NCAPD3: variants seen among roughly 807,000 people sequenced by gnomAD.
NCAPD3 encodes non-SMC condensin II complex subunit D3.
A neutral mutation model predicts 182.9 loss-of-function variants in NCAPD3; 105 were observed. The observed-to-expected ratio is 0.57, with a 90% CI of 0.49 to 0.68. NCAPD3 has a LOEUF of 0.68. NCAPD3 is among the 30% of genes least tolerant of loss of function. The probability of loss-of-function intolerance (pLI) is 0.00; values close to 1 mark genes in which losing one functional copy is unlikely to be tolerated. For synonymous variants in NCAPD3, 815 were observed against 679.9 expected (o/e 1.20, Z -3.09); for missense variants, 1,944 against 1,837.0 (o/e 1.06, Z -1.07).
At chr11:134,157,505 G>A (rs1943456430) in intron 31 of NCAPD3, among the ~76,000 whole-genome samples, 1 of 152,206 alleles carries the variant, frequency 6.6e-6, no homozygotes, top group South Asian at 2.1e-4. Context: ...TAATAAATCA[G>A]TTATTTCCAC....
chr11:134,194,183 C>T lies in NCAPD3; in HGVS notation c.1690-33G>A, dbSNP rs115472992. ...GCATAGACGCAACATGAACTGTTAA[C>T]TGCATAGCATCAACTCACAAAGATA... On this transcript the variant is annotated intron_variant, in intron 14 of 34. Transcript: ENST00000534548. 1,211 of 1,603,222 alleles carry T rather than the reference C, an allele frequency of 7.6e-4. 6 individuals are homozygous for T. In the African/African-American group the frequency reaches 0.015, roughly 19 times the overall value.
intron 24 of NCAPD3, among the ~76,000 whole-genome samples, chr11:134,174,310 G>C (rs1944101777): frequency 6.8e-6 from 1 of 146,390 alleles, no homozygotes; most frequent in Non-Finnish European, 1.5e-5. Context: ...TTGAGCCCAG[G>C]AGGTCGAGGC....
chr11:134,204,191 G>A lies in NCAPD3; in HGVS notation c.1090-20C>T. On this transcript the variant is annotated intron_variant, in intron 9 of 34. Coordinates refer to ENST00000534548, the MANE Select transcript of NCAPD3 (RefSeq NM_015261.3). The surrounding 1 kb of genome is among the most constrained non-coding windows in gnomAD (Gnocchi z 4.3). ...TACCACCTGAAAAGCAAAAAGAGAA[G>A]TTGACCAACCAATATCCACCCGCAG... 2.5e-6 allele frequency: 4 copies of A among 1,610,850 alleles called. No homozygotes were observed. Among genetic ancestry groups the A allele is most frequent in the South Asian group, 1.1e-5 (1 of 90,636 alleles).
chr11:134,168,787 C>T (rs1001854792), intron 25 of NCAPD3, 130 bp downstream of exon 25: 3 of 1,402,350 alleles, frequency 2.1e-6, no homozygotes, highest in Admixed American at 4.4e-5. Flanking sequence ...CTTACGCCAT[C>T]CTGCCAAGCC....
rs374122388 is a variant in NCAPD3 at position 134,181,775 on chromosome 11, A to G, written c.2452-591T>C. Among the ~76,000 whole-genome samples the G allele has an allele frequency of 5.3e-5, 8 of 152,216 alleles. No individual in the cohort carries two copies. In the South Asian group the frequency reaches 1.7e-3, roughly 32 times the overall value. On this transcript the variant is annotated intron_variant, in intron 19 of 34. Transcript: ENST00000534548. ...TCTTGGACCTCATTTTCTGTAGGAA[A>G]CCATTCCAAAACACCTAGGTTGAGC...
rs1208785334 is a variant in NCAPD3, at chr11:134,168,215, A to G, written c.3374-20T>C. The G allele has an allele frequency of 6.2e-7, 1 of 1,607,974 alleles. No individual in the cohort carries two copies. Among genetic ancestry groups the G allele is most frequent in the South Asian group, 1.1e-5 (1 of 90,926 alleles). On this transcript the variant is annotated intron_variant, in intron 26 of 34. Coordinates refer to ENST00000534548, the MANE Select transcript of NCAPD3 (RefSeq NM_015261.3). ...AGCACGCTGAGAGACAGAGAGAGAG[A>G]AAAACGTGAGCTTCTGAGAAATGCT...
At chr11:134,208,185 A>G (rs1178311148) in intron 7 of NCAPD3, among the ~76,000 whole-genome samples, 1 of 152,248 alleles carries the variant, frequency 6.6e-6, no homozygotes, top group Non-Finnish European at 1.5e-5. Flanking sequence ...CTGCCTCTGC[A>G]AGGTAACGCG....
At chr11:134,195,401 G>C (rs937221551) in intron 13 of NCAPD3, among the ~76,000 whole-genome samples, 2 of 152,122 alleles carry the variant, frequency 1.3e-5, no homozygotes, top group African/African-American at 2.4e-5. Flanking sequence ...GCCCAGCCTT[G>C]AGGCTTCTTT....
rs527508222 is a variant in NCAPD3, at chr11:134,185,040, T to TTAAACACTGCTG, written c.2238-52_2238-41dup. The TTAAACACTGCTG allele has an allele frequency of 7.6e-4, 1,107 of 1,451,640 alleles. 4 individuals carry two copies. The African/African-American group carries it at 0.014, about 18-fold the overall frequency. 89.9% of individuals were successfully genotyped at this position (1,451,640 alleles called of 1,614,324 possible). A position where few individuals can be genotyped will look rare whatever the true frequency, so the allele number is the denominator to read the frequency against. ...GGAGGAATATGAAGGGAGAAGCAAG[T>TTAAACACTGCTG]TAAACACTGCTGCCAACAAAGGCCT... On this transcript the variant is annotated intron_variant, in intron 17 of 34. Transcript: ENST00000534548.
At position 134,159,943 on chromosome 11, in the gene NCAPD3, A is replaced by G. The variant is rs758837256; in HGVS notation, c.3816T>C (p.His1272=). The change falls in exon 29 of 35, where the codon CAT becomes CAC. Residue 1272 remains histidine (H), a synonymous_variant. Coordinates refer to ENST00000534548, the MANE Select transcript of NCAPD3 (RefSeq NM_015261.3). The part of the protein sequence containing the change: ...QLVQEQELAK[H]ADVAGTAGGA... ...CTCCAGCCGTCCCGGCCACATCTGC[A>G]TGTTTTGCTAGCTCCTGCTCCTGGA... The G allele has an allele frequency of 3.2e-5, 51 of 1,613,824 alleles. No homozygotes were observed. Among genetic ancestry groups the G allele is most frequent in the Non-Finnish European group, 4.2e-5 (49 of 1,180,034 alleles).
At position 134,151,540 on chromosome 11, in the gene NCAPD3, G is replaced by A. The variant is rs1250128567; in HGVS notation, c.*1404C>T. The A allele has an allele frequency of 6.6e-6, 1 of 152,224 alleles. No individual in the cohort carries two copies. The highest frequency in any genetic ancestry group is 6.5e-5 in the Admixed American group (1 of 15,284). 9.4% of individuals were successfully genotyped at this position (152,224 alleles called of 1,614,324 possible). A position where few individuals can be genotyped will look rare whatever the true frequency, so the allele number is the denominator to read the frequency against. On this transcript the variant is annotated 3_prime_UTR_variant, in exon 35 of 35. Coordinates refer to ENST00000534548, the MANE Select transcript of NCAPD3 (RefSeq NM_015261.3). ...AAAAGTAGAGAGAAGTGAAAGTAGA[G>A]TCTGGGAAGTAGCTGCCTATAACTG...
rs765387485 is a variant in NCAPD3, at chr11:134,223,395, T to G, written c.64+468A>C. The G allele has an allele frequency of 2.1e-5, 15 of 702,202 alleles. 1 individual carries two copies. The South Asian group carries it at 2.2e-4, about 10-fold the overall frequency. The allele number at this position is 702,202 out of a possible 1,614,324, so 43.5% of individuals were successfully genotyped here. A position where few individuals can be genotyped will look rare whatever the true frequency, so the allele number is the denominator to read the frequency against. ...ATGCCATGACTCCTGGGTTGGTGGC[T>G]TGGATGGTGCCATTAGCAGGCTTTG... is the stretch of plus-strand genomic sequence containing the variant. On this transcript the variant is annotated intron_variant, in intron 1 of 34. Coordinates refer to ENST00000534548, the MANE Select transcript of NCAPD3 (RefSeq NM_015261.3).
upstream of NCAPD3, chr11:134,224,126 T>G: frequency 1.6e-6 from 1 of 644,934 alleles, no homozygotes. Flanking sequence ...GGCCGAAAAG[T>G]GGAAGCCAAA....
At chr11:134,200,999 AT>A (rs1401036407) in intron 13 of NCAPD3, among the ~76,000 whole-genome samples, 1 of 151,846 alleles carries the variant, frequency 6.6e-6, no homozygotes, top group Non-Finnish European at 1.5e-5. Flanking sequence ...ACATGACTGC[AT>A]TTATGCGGAA....
chr11:134,201,094 G>A (rs752874460), intron 13 of NCAPD3, among the ~76,000 whole-genome samples: 10 of 149,246 alleles, frequency 6.7e-5, no homozygotes, highest in African/African-American at 2.5e-4. Context: ...GCGCAATCTC[G>A]GCTCACTGCA....
upstream of NCAPD3, chr11:134,223,981 G>A (rs1565564012): frequency 1.9e-6 from 3 of 1,582,422 alleles, no homozygotes; most frequent in Non-Finnish European, 2.6e-6. Context: ...GCTCGCTCCC[G>A]CGCGCGCGCC....
chr11:134,210,827 A>G (rs1265083793), intron 3 of NCAPD3, among the ~76,000 whole-genome samples: 1 of 152,260 alleles, frequency 6.6e-6, no homozygotes, highest in Non-Finnish European at 1.5e-5. Flanking sequence ...TATTGTATCC[A>G]GAGGGAATTT....
chr11:134,155,902 T>A (rs1943405340), intron 32 of NCAPD3, among the ~76,000 whole-genome samples: 1 of 152,276 alleles, frequency 6.6e-6, no homozygotes, highest in South Asian at 2.1e-4. Context: ...GGGACCTGGA[T>A]GAAAATTACC....
At chr11:134,157,783 A>T in intron 31 of NCAPD3, 145 bp downstream of exon 31, 1 of 921,848 alleles carries the variant, frequency 1.1e-6, no homozygotes, top group Non-Finnish European at 1.6e-6. Context: ...GCATTGTTTT[A>T]CTACCCATGA....
Sources: allele counts gnomAD v4.1 joint callset (sites outside exome capture counted in the v4.1 genomes callset), GRCh38; gene constraint gnomAD v4.1.1; non-coding constraint Gnocchi (gnomAD v3.1); transcripts MANE v1.5; gene names NCBI Gene and HGNC (gene_info 2026-07-23, HGNC 2026-07-21).